The following SEMA4B variants were observed in gnomAD, a reference collection of about 807,000 sequenced individuals.
The protein encoded by SEMA4B is semaphorin 4B, also known as semaphorin-4B.
In SEMA4B, 55 loss-of-function variants were observed where a neutral mutation model predicts 88.1. That is an observed-to-expected ratio of 0.62 (90% CI 0.50 to 0.78). The LOEUF (loss-of-function observed/expected upper bound fraction) is 0.78, where lower values mean the gene tolerates loss of function less well. Among genes scored for constraint, SEMA4B ranks in the 30% least tolerant of loss-of-function variants. The pLI is 0.00. For missense variants in SEMA4B, 1,062 were observed against 1,111.9 expected (o/e 0.96, Z 0.64); for synonymous variants, 525 against 473.6 (o/e 1.11, Z -1.41).
chr15:90,206,961 G>C (rs1238653842), intron 1 of SEMA4B: 1 of 574,368 alleles, frequency 1.7e-6, no homozygotes, highest in Non-Finnish European at 3.1e-6. Flanking sequence ...TCTAATGCAA[G>C]AAATGAAGAA....
intron 1 of SEMA4B, among the ~76,000 whole-genome samples, chr15:90,195,093 G>A (rs1408410973): frequency 6.7e-6 from 1 of 149,850 alleles, no homozygotes; most frequent in Non-Finnish European, 1.5e-5. Context: ...TTCACACGTT[G>A]CTATTGATTT....
intron 4 of SEMA4B, 185 bp downstream of exon 4, chr15:90,220,076 A>G: frequency 1.9e-6 from 1 of 538,566 alleles, no homozygotes; most frequent in East Asian, 3.2e-5. Flanking sequence ...CCTGACAGCC[A>G]TGTCTCCCTG....
chr15:90,188,529 G>A (rs527970726), intron 1 of SEMA4B, among the ~76,000 whole-genome samples: 1 of 152,084 alleles, frequency 6.6e-6, no homozygotes, highest in East Asian at 2.0e-4. Context: ...CCGGGAGGCT[G>A]AAGCAGGAGA....
intron 5 of SEMA4B, 44 bp from the exon 6 acceptor site, chr15:90,221,323 G>A: frequency 6.8e-7 from 1 of 1,465,682 alleles, no homozygotes; most frequent in South Asian, 1.2e-5. Flanking sequence ...GGGAGAAGGG[G>A]CCGTGCTGAG....
upstream of SEMA4B, among the ~76,000 whole-genome samples, chr15:90,199,642 T>C (rs373086701): frequency 3.3e-5 from 5 of 152,078 alleles, no homozygotes; most frequent in African/African-American, 7.2e-5. Context: ...CTGGCCAACA[T>C]TGTGAAACCC....
At chr15:90,208,201 C>T (rs896022349) in intron 1 of SEMA4B, among the ~76,000 whole-genome samples, 2 of 151,476 alleles carry the variant, frequency 1.3e-5, no homozygotes, top group African/African-American at 4.9e-5. Flanking sequence ...TTGCAGTGAG[C>T]CGAGATCATG....
Position 90,225,269 on chromosome 15 carries a change from G to T in SEMA4B, c.1406-13G>T. 5 of 1,555,458 alleles carry T rather than the reference G, an allele frequency of 3.2e-6. No homozygotes were observed. The highest frequency in any genetic ancestry group is 4.3e-6 in the Non-Finnish European group (5 of 1,149,520). ...GGGCTCCACCCAGGGCCTGAGTCCT[G>T]TCCACACCCCAGGTGACGGCCGGCT... is the stretch of plus-strand genomic sequence containing the variant. On this transcript the variant is annotated splice_polypyrimidine_tract_variant and intron_variant, in intron 10 of 13. Transcript: ENST00000411539.
chr15:90,217,509 C>G lies in SEMA4B; in HGVS notation c.228C>G (p.Ser76Arg), dbSNP rs773391548. ...CCAACTACACAGCCCTTCTGCTGAG[C>G]AGGGATGGCAGGACCCTGTACGTGG... is the stretch of plus-strand genomic sequence containing the variant. ...HISNYTALLL[S>R]RDGRTLYVGA... The change falls in exon 2 of 14, where the codon AGC becomes AGG. Residue 76 changes from serine (S) to arginine (R), a missense_variant. Physicochemically the swap from Ser to Arg is moderately radical, Grantham distance 110. Coordinates refer to ENST00000411539, the MANE Select transcript of SEMA4B (RefSeq NM_198925.4). The G allele has an allele frequency of 1.2e-6, 2 of 1,613,938 alleles. No homozygotes were observed. The highest frequency in any genetic ancestry group is 1.7e-6 in the Non-Finnish European group (2 of 1,179,852).
intron 6 of SEMA4B, 57 bp downstream of exon 6, chr15:90,221,537 A>AG (rs1412540282): frequency 1.2e-6 from 2 of 1,607,144 alleles, no homozygotes; most frequent in African/African-American, 2.7e-5. Context: ...CAGCCCTAGA[A>AG]GGGGGCACTT....
intron 9 of SEMA4B, among the ~76,000 whole-genome samples, chr15:90,224,669 G>A (rs1201773001): frequency 1.3e-5 from 2 of 152,202 alleles, no homozygotes; most frequent in Non-Finnish European, 2.9e-5. Flanking sequence ...CTGGTGAAGG[G>A]TGCAGAGGAG....
In SEMA4B at chr15:90,227,560, G is replaced by A. The variant is rs368608484; in HGVS notation, c.1692G>A (p.Pro564=). 18 of 1,613,932 alleles carry A rather than the reference G, an allele frequency of 1.1e-5. No individual in the cohort carries two copies. In the Middle Eastern group the frequency reaches 4.9e-4, roughly 44 times the overall value. The part of the protein sequence containing the change: ...SLYQPQLATR[P]WIQDIEGASA... Reference sequence around the variant, plus strand: ...CAGAATTCTCTCTGGCCCTCAGGCCGTGGATCCAGGACATCGAGGGAGCCA... The same window carrying A: ...CAGAATTCTCTCTGGCCCTCAGGCCATGGATCCAGGACATCGAGGGAGCCA... Residue 564 remains proline, a synonymous_variant, in exon 13 of 14, where the codon CCG becomes CCA. Coordinates refer to ENST00000411539, the MANE Select transcript of SEMA4B (RefSeq NM_198925.4).
chr15:90,225,638 C>T, intron 11 of SEMA4B, 23 bp from the exon 12 acceptor site: 2 of 1,555,566 alleles, frequency 1.3e-6, no homozygotes, highest in Non-Finnish European at 1.7e-6. Context: ...GCCCGCTTCT[C>T]ATCCCCGTGT....
chr15:90,228,837 C>T lies in SEMA4B; in HGVS notation c.*194C>T. 1.4e-6 allele frequency: 1 copy of T among 729,696 alleles called. No homozygotes were observed. The highest frequency in any genetic ancestry group is 2.2e-6 in the Non-Finnish European group (1 of 456,778). 45.2% of individuals were successfully genotyped at this position (729,696 alleles called of 1,614,324 possible). A position where few individuals can be genotyped will look rare whatever the true frequency, so the allele number is the denominator to read the frequency against. Reference sequence around the variant, plus strand: ...TCCTACCACCCAGACACCCAAACAGCCGTGGCCCCAGAGGTCCTGGCCAAA... The same window carrying T: ...TCCTACCACCCAGACACCCAAACAGTCGTGGCCCCAGAGGTCCTGGCCAAA... On this transcript the variant is annotated 3_prime_UTR_variant, in exon 14 of 14. Coordinates refer to ENST00000411539, the MANE Select transcript of SEMA4B (RefSeq NM_198925.4).
intron 1 of SEMA4B, among the ~76,000 whole-genome samples, chr15:90,215,627 C>A (rs919352454): frequency 6.6e-6 from 1 of 151,884 alleles, no homozygotes; most frequent in Non-Finnish European, 1.5e-5. Flanking sequence ...GCCTGGCCAA[C>A]ATGGCAAAAC....
At position 90,188,499 on chromosome 15, in the gene SEMA4B, A is replaced by AGG. The variant is rs1491408644; in HGVS notation, c.-122+3418_-122+3419insGG. Among the ~76,000 whole-genome samples the AGG allele has an allele frequency of 1.4e-3, 219 of 151,888 alleles. No individual in the cohort carries two copies. In the East Asian group the frequency reaches 0.016, roughly 11 times the overall value. On this transcript the variant is annotated intron_variant, in intron 1 of 14. Coordinates refer to the SEMA4B transcript ENST00000332496. Reference sequence around the variant, plus strand: ...AAAAATTAGCCAGGCATGGTGGCGCATGCCTGTAATCCCAGCTACCCGGGA... The same window carrying AGG: ...AAAAATTAGCCAGGCATGGTGGCGCAGGTGCCTGTAATCCCAGCTACCCGGGA...
intron 1 of SEMA4B, among the ~76,000 whole-genome samples, chr15:90,205,843 G>A (rs1026064248): frequency 6.6e-6 from 1 of 152,192 alleles, no homozygotes; most frequent in African/African-American, 2.4e-5. Context: ...GTCATTACCA[G>A]GGGTCCTGCT....
intron 7 of SEMA4B, among the ~76,000 whole-genome samples, chr15:90,222,879 A>G (rs113523913): frequency 1.5e-5 from 1 of 66,390 alleles, no homozygotes; most frequent in Non-Finnish European, 3.7e-5. Flanking sequence ...CCAGCACAAG[A>G]AGGAGTCACT....
At chr15:90,218,337 C>T (rs1055910620) in intron 3 of SEMA4B, among the ~76,000 whole-genome samples, 3 of 152,222 alleles carry the variant, frequency 2.0e-5, no homozygotes, top group South Asian at 2.1e-4. Flanking sequence ...TGCTCCTGCT[C>T]CTAAGTGCAG....
At chr15:90,194,446 C>T (rs953743021) in intron 1 of SEMA4B, among the ~76,000 whole-genome samples, 2 of 152,006 alleles carry the variant, frequency 1.3e-5, no homozygotes, top group South Asian at 2.1e-4. Context: ...GCAGGAGAAT[C>T]GCTTGAACCC....
Sources: gnomAD v4.1 joint callset for allele counts (sites outside exome capture counted in the v4.1 genomes callset) on GRCh38, gnomAD v4.1.1 for gene constraint, MANE v1.5 for transcripts, NCBI Gene and HGNC (gene_info 2026-07-23, HGNC 2026-07-21) for gene names.